CREBL2: variants seen among roughly 807,000 people sequenced by gnomAD.
The protein encoded by CREBL2 is cAMP responsive element binding protein like 2, also known as cAMP-responsive element-binding protein-like 2.
In CREBL2, 4 loss-of-function variants were observed where a neutral mutation model predicts 19.5. The observed-to-expected ratio is 0.20, with a 90% CI of 0.10 to 0.47. CREBL2 has a LOEUF of 0.47. CREBL2 is among the 20% of genes least tolerant of loss of function. CREBL2 has a pLI of 0.98. For missense variants in CREBL2, 85 were observed against 145.1 expected (o/e 0.59, Z 2.13); for synonymous variants, 42 against 46.6 (o/e 0.90, Z 0.40).
intron 3 of CREBL2, among the ~76,000 whole-genome samples, chr12:12,640,821 C>T (rs1945511512): frequency 6.6e-6 from 1 of 152,162 alleles, no homozygotes; most frequent in African/African-American, 2.4e-5. Context: ...CTCCCCTTCT[C>T]TAGGCTTCTT....
rs114665112 is a variant in CREBL2, at chr12:12,625,103, A to G, written c.16-10674A>G. On this transcript the variant is annotated intron_variant, in intron 1 of 3. Coordinates refer to ENST00000228865, the MANE Select transcript of CREBL2 (RefSeq NM_001310.4). ...CGTCTGGGGGTTTTATAGGCACAGG[A>G]TGGGGTGGGGCAGGGCCATGGGTGA... Among the ~76,000 whole-genome samples, 745 of 151,970 alleles carry G rather than the reference A, an allele frequency of 4.9e-3. 7 individuals carry two copies. The highest frequency in any genetic ancestry group is 0.017 in the African/African-American group (694 of 41,382).
chr12:12,618,394 G>A lies in CREBL2; in HGVS notation c.15+6207G>A, dbSNP rs984654842. 2.0e-5 allele frequency among the ~76,000 whole-genome samples: 3 copies of A among 152,110 alleles called. No homozygotes were observed. The South Asian group carries it at 6.2e-4, about 32-fold the overall frequency. On this transcript the variant is annotated intron_variant, in intron 1 of 3. Transcript: ENST00000228865. ...GAGACACTCCTCAGATCCCAGATGG[G>A]GTCATGGTGGGGCAGAGGTGCTCCT...
intron 3 of CREBL2, among the ~76,000 whole-genome samples, chr12:12,639,019 T>C (rs1426010469): frequency 1.3e-5 from 2 of 152,224 alleles, no homozygotes; most frequent in African/African-American, 2.4e-5. Flanking sequence ...TCTGTCTCTA[T>C]GGATTTACCT....
At chr12:12,635,682 T>C in intron 1 of CREBL2, 95 bp from the exon 2 acceptor site, 2 of 1,417,990 alleles carry the variant, frequency 1.4e-6, no homozygotes, top group Admixed American at 5.0e-5. Context: ...ACTCACGTTT[T>C]GTTTATAAAT....
At chr12:12,635,315 A>G (rs1349970631) in intron 1 of CREBL2, among the ~76,000 whole-genome samples, 1 of 151,738 alleles carries the variant, frequency 6.6e-6, no homozygotes, top group Admixed American at 6.6e-5. Flanking sequence ...GCTGCAGTTA[A>G]CCATGATTGT....
At chr12:12,614,811 T>C in intron 1 of CREBL2, 1 of 384,240 alleles carries the variant, frequency 2.6e-6, no homozygotes, top group Non-Finnish European at 5.1e-6. Flanking sequence ...CTGGGTAACA[T>C]TGTAGACTCT....
At chr12:12,641,875 A>T in intron 3 of CREBL2, 119 bp from the exon 4 acceptor site, 1 of 495,544 alleles carries the variant, frequency 2.0e-6, no homozygotes. Context: ...CTGTATTTTT[A>T]AAAATTAGCC....
chr12:12,621,478 A>G lies in CREBL2; in HGVS notation c.15+9291A>G, dbSNP rs1269612340. ...GGCTGTGGTGAGCTGAGATCACACC[A>G]TTGCACTCCAGCCTGGGCAACAAGA... On this transcript the variant is annotated intron_variant, in intron 1 of 3. Coordinates refer to ENST00000228865, the MANE Select transcript of CREBL2 (RefSeq NM_001310.4). Among the ~76,000 whole-genome samples, 3 of 146,324 alleles carry G rather than the reference A, an allele frequency of 2.1e-5. No homozygotes were observed. In the East Asian group the frequency reaches 6.3e-4, roughly 31 times the overall value.
At chr12:12,632,149 C>A (rs1019947264) in intron 1 of CREBL2, among the ~76,000 whole-genome samples, 1 of 130,086 alleles carries the variant, frequency 7.7e-6, no homozygotes, top group African/African-American at 2.9e-5. Flanking sequence ...GGGATCTCGG[C>A]TCACTGCAAG....
At chr12:12,613,070 C>T (rs1157581942) in intron 1 of CREBL2, among the ~76,000 whole-genome samples, 3 of 152,156 alleles carry the variant, frequency 2.0e-5, no homozygotes, top group Non-Finnish European at 4.4e-5. Context: ...GGGGTTTCTC[C>T]ATGTTGGTCA....
intron 1 of CREBL2, among the ~76,000 whole-genome samples, chr12:12,629,148 G>T (rs1422082736): frequency 6.6e-6 from 1 of 152,084 alleles, no homozygotes; most frequent in African/African-American, 2.4e-5. Flanking sequence ...GCCAATTTCA[G>T]CAAAAAGGTA....
At chr12:12,621,755 G>A (rs965064875) in intron 1 of CREBL2, among the ~76,000 whole-genome samples, 18 of 152,328 alleles carry the variant, frequency 1.2e-4, no homozygotes, top group African/African-American at 4.3e-4. Context: ...TTTCGGGATA[G>A]GGTCTGGGAA....
At chr12:12,639,887 G>A (rs1945504788) in intron 3 of CREBL2, among the ~76,000 whole-genome samples, 2 of 152,144 alleles carry the variant, frequency 1.3e-5, no homozygotes, top group South Asian at 4.1e-4. Flanking sequence ...AGAACAGGGA[G>A]TAGGCACAAA....
At chr12:12,623,932 TG>T (rs1945380850) in intron 1 of CREBL2, among the ~76,000 whole-genome samples, 1 of 152,128 alleles carries the variant, frequency 6.6e-6, no homozygotes, top group Non-Finnish European at 1.5e-5. Context: ...CAGATTGCAG[TG>T]ATGTGGCTAC....
At chr12:12,618,636 G>A (rs535198448) in intron 1 of CREBL2, among the ~76,000 whole-genome samples, 96 of 152,324 alleles carry the variant, frequency 6.3e-4, no homozygotes, top group African/African-American at 1.9e-3. Flanking sequence ...GGTGGCGGCC[G>A]GGCAGAGGCT....
chr12:12,619,952 T>G (rs886862385), intron 1 of CREBL2, among the ~76,000 whole-genome samples: 19 of 152,238 alleles, frequency 1.2e-4, no homozygotes, highest in African/African-American at 4.6e-4. Context: ...TGCCAAAGTC[T>G]TCTGATTCTT....
chr12:12,637,150 A>T (rs961411161), intron 2 of CREBL2, among the ~76,000 whole-genome samples: 6 of 152,178 alleles, frequency 3.9e-5, no homozygotes, highest in Admixed American at 3.9e-4. Context: ...TAGATGTTTA[A>T]TGATCACTTG....
intron 1 of CREBL2, among the ~76,000 whole-genome samples, chr12:12,619,489 C>G (rs1489132429): frequency 6.6e-6 from 1 of 152,012 alleles, no homozygotes; most frequent in Non-Finnish European, 1.5e-5. Flanking sequence ...CAGCTATAAT[C>G]CCAGCTACTC....
rs1279920561 is a variant in CREBL2 at position 12,643,599 on chromosome 12, TA to T, written c.*1604del. 1 of 152,222 alleles carries T rather than the reference TA, an allele frequency of 6.6e-6. No homozygotes were observed. The highest frequency in any genetic ancestry group is 1.5e-5 in the Non-Finnish European group (1 of 68,044). The allele number at this position is 152,222 out of a possible 1,614,324, so 9.4% of individuals were successfully genotyped here. On this transcript the variant is annotated 3_prime_UTR_variant, in exon 4 of 4. Transcript: ENST00000228865. ...TCTTCTCTCAGGCCATGCATTTGAA[TA>T]AAGTGCCTCCCTTAGCCTGAGCTCC...
Sources: gnomAD v4.1 joint callset for allele counts (sites outside exome capture counted in the v4.1 genomes callset) on GRCh38, gnomAD v4.1.1 for gene constraint, MANE v1.5 for transcripts, NCBI Gene and HGNC (gene_info 2026-07-23, HGNC 2026-07-21) for gene names.